The following GLI2 variants were observed in gnomAD, a reference collection of about 807,000 sequenced individuals.
The protein encoded by GLI2 is GLI family zinc finger 2.
Under a neutral mutation model 78.9 loss-of-function variants are expected in GLI2, and 22 were observed. The ratio of observed to expected loss-of-function variants is 0.28; its 90% CI spans 0.20 to 0.40. The LOEUF (loss-of-function observed/expected upper bound fraction) is 0.40. Ranked by LOEUF, GLI2 falls within the 10% of genes least tolerant of loss-of-function variation. The pLI, the probability that GLI2 is intolerant of heterozygous loss-of-function variation, is 1.00. For missense variants in GLI2, 2,097 were observed against 2,213.2 expected (o/e 0.95, Z 1.05); for synonymous variants, 974 against 963.7 (o/e 1.01, Z -0.20).
chr2:120,812,015 A>G (rs925369263), intron 2 of GLI2, among the ~76,000 whole-genome samples: 7 of 152,154 alleles, frequency 4.6e-5, no homozygotes, highest in African/African-American at 1.7e-4. Flanking sequence ...ACCCAAATCA[A>G]TGACTGTGCG....
chr2:120,955,361 G>T lies in GLI2; in HGVS notation c.574G>T (p.Asp192Tyr). ...LVAGHPAPYGDLLMQSGGAAS... is the reference protein window; with the variant it reads ...LVAGHPAPYGYLLMQSGGAAS... Reference sequence around the variant, plus strand: ...GGCAGGCCACCCCGCGCCCTACGGGGACCTGCTGATGCAGAGCGGGGGCGC... The same window carrying T: ...GGCAGGCCACCCCGCGCCCTACGGGTACCTGCTGATGCAGAGCGGGGGCGC... The change falls in exon 5 of 14, where the codon GAC becomes TAC. Residue 192 changes from aspartate (D) to tyrosine (Y), a missense_variant. This residue lies in a region of GLI2 where 578 missense variants were observed against 612.0 expected (regional missense o/e 0.94). Coordinates refer to ENST00000361492, the MANE Select transcript of GLI2 (RefSeq NM_001374353.1). 1.9e-6 allele frequency: 3 copies of T among 1,613,598 alleles called. No homozygotes were observed. Among genetic ancestry groups the T allele is most frequent in the Non-Finnish European group, 2.5e-6 (3 of 1,179,812 alleles).
At chr2:120,769,517 G>A (rs1034224322) in intron 1 of GLI2, among the ~76,000 whole-genome samples, 1 of 152,204 alleles carries the variant, frequency 6.6e-6, no homozygotes, top group African/African-American at 2.4e-5. Context: ...CCCAGCTACT[G>A]GGGAGTTGTC....
At chr2:120,848,713 C>G (rs908808547) in intron 2 of GLI2, among the ~76,000 whole-genome samples, 8 of 152,186 alleles carry the variant, frequency 5.3e-5, no homozygotes, top group Non-Finnish European at 1.0e-4. Flanking sequence ...GCCACCCACA[C>G]TGGGGTGTGG....
chr2:120,883,338 T>C (rs1029483260), intron 2 of GLI2, among the ~76,000 whole-genome samples: 2 of 151,906 alleles, frequency 1.3e-5, no homozygotes, highest in Non-Finnish European at 2.9e-5. Flanking sequence ...AAAAGAAAAA[T>C]TAGCCGAGCA....
rs1171457063 is a variant in GLI2 at position 120,735,976 on chromosome 2, G to GGCGGCT, written c.-336_-331dup. Among the ~76,000 whole-genome samples, 120 of 152,096 alleles carry GGCGGCT rather than the reference G, an allele frequency of 7.9e-4. No individual in the cohort carries two copies. The highest frequency in any genetic ancestry group is 2.5e-3 in the African/African-American group (103 of 41,542). On this transcript the variant is annotated 5_prime_UTR_variant, in exon 1 of 14. Coordinates refer to ENST00000361492, the MANE Select transcript of GLI2 (RefSeq NM_001374353.1). The stretch of plus-strand genomic sequence containing the variant: ...ACTTCGAGGAGGAGCGGGCGGCGGC[G>GGCGGCT]GCGGCTGCGACTGCGAACGCGGAGG...
chr2:120,747,268 G>A (rs925163666), intron 1 of GLI2, among the ~76,000 whole-genome samples: 15 of 152,232 alleles, frequency 9.9e-5, no homozygotes, highest in Non-Finnish European at 1.6e-4. Flanking sequence ...ATCAATGTAA[G>A]ACAATTATTT....
Position 120,989,487 on chromosome 2 carries a change from A to T in GLI2, c.3522A>T (p.Leu1174=), listed in dbSNP as rs201457784. Residue 1174 remains leucine (L), a synonymous_variant, in exon 14 of 14, where the codon CTA becomes CTT. Coordinates refer to ENST00000361492, the MANE Select transcript of GLI2 (RefSeq NM_001374353.1). ...ACCCGGGCTACAGTCCGCAAGGCCT[A>T]CAGGCTAGCCCTGGGGGCCTGGACA... ...GQYPGYSPQG[L]QASPGGLDST... 2 of 1,612,642 alleles carry T rather than the reference A, an allele frequency of 1.2e-6. No homozygotes were observed. The highest frequency in any genetic ancestry group is 3.3e-5 in the Admixed American group (2 of 60,000).
chr2:120,880,480 C>T (rs1677062821), intron 2 of GLI2, among the ~76,000 whole-genome samples: 1 of 152,168 alleles, frequency 6.6e-6, no homozygotes, highest in African/African-American at 2.4e-5. Flanking sequence ...CCCCGCCTCG[C>T]AGACAAGGGC....
chr2:120,779,476 C>T (rs1683776223), intron 1 of GLI2, among the ~76,000 whole-genome samples: 1 of 152,192 alleles, frequency 6.6e-6, no homozygotes, highest in Non-Finnish European at 1.5e-5. Context: ...AAAGGTGCCA[C>T]AGAGTGCACA....
intron 4 of GLI2, 83 bp downstream of exon 4, chr2:120,951,528 A>C: frequency 3.6e-6 from 3 of 825,776 alleles, no homozygotes; most frequent in South Asian, 1.7e-5. Flanking sequence ...AACACTGTCA[A>C]CTCCTCAGCC....
At chr2:120,754,594 T>C (rs1682982513) in intron 1 of GLI2, among the ~76,000 whole-genome samples, 1 of 152,228 alleles carries the variant, frequency 6.6e-6, no homozygotes, top group Non-Finnish European at 1.5e-5. Context: ...CACGTATCAA[T>C]AGTTTATTCA....
chr2:120,868,284 C>T (rs1001947780), intron 2 of GLI2, among the ~76,000 whole-genome samples: 1 of 139,952 alleles, frequency 7.1e-6, no homozygotes, highest in African/African-American at 3.2e-5. Flanking sequence ...GCTGTTTTCG[C>T]GTGAGGAATG....
intron 2 of GLI2, among the ~76,000 whole-genome samples, chr2:120,802,410 A>C (rs1377569609): frequency 6.6e-6 from 1 of 152,222 alleles, no homozygotes; most frequent in Non-Finnish European, 1.5e-5. Flanking sequence ...GTTCTTTCCC[A>C]GTCTCTTTTG....
chr2:120,892,003 G>A (rs1677706413), intron 2 of GLI2, among the ~76,000 whole-genome samples: 1 of 144,832 alleles, frequency 6.9e-6, no homozygotes, highest in Non-Finnish European at 1.5e-5. Context: ...TGCACCTTGT[G>A]ACCTCCTGCT....
intron 3 of GLI2, among the ~76,000 whole-genome samples, chr2:120,934,864 T>C (rs1680118134): frequency 6.6e-6 from 1 of 152,110 alleles, no homozygotes; most frequent in African/African-American, 2.4e-5. Flanking sequence ...AAGATTGCTT[T>C]TTCCAAGGTC....
At chr2:120,751,580 C>T (rs1226262470) in intron 1 of GLI2, among the ~76,000 whole-genome samples, 2 of 151,974 alleles carry the variant, frequency 1.3e-5, no homozygotes, top group South Asian at 2.1e-4. Context: ...AAAGCAGATC[C>T]TTTATAAAAT....
intron 2 of GLI2, among the ~76,000 whole-genome samples, chr2:120,888,524 A>G (rs1352372313): frequency 6.7e-6 from 1 of 149,972 alleles, no homozygotes; most frequent in Non-Finnish European, 1.5e-5. Flanking sequence ...GATTCAGGGG[A>G]GAGTGGGCAC....
intron 2 of GLI2, among the ~76,000 whole-genome samples, chr2:120,890,898 G>A (rs1573547165): frequency 6.6e-6 from 1 of 152,202 alleles, no homozygotes; most frequent in African/African-American, 2.4e-5. Flanking sequence ...GTGGGGAGGA[G>A]AGAGGATGTG....
chr2:120,797,464 AG>A lies in GLI2; in HGVS notation c.146del (p.Gly49GlufsTer52). 1 of 1,613,736 alleles carries A rather than the reference AG, an allele frequency of 6.2e-7. No homozygotes were observed. Among genetic ancestry groups the A allele is most frequent in the Non-Finnish European group, 8.5e-7 (1 of 1,179,716 alleles). On this transcript the variant is annotated frameshift_variant, in exon 2 of 14. Coordinates refer to ENST00000361492, the MANE Select transcript of GLI2 (RefSeq NM_001374353.1). LOFTEE classifies it high-confidence loss of function. ...CGGCAGCAGCAGCGGTAGCTGCCCA[AG>A]GAGGTACTTTCTGTTTCGCACACTT... Reference protein sequence around the residue: ...AAAAAAVAAQGVPQHLLPPFH... With the variant: ...AAAAAAVAAQXVPQHLLPPFH...
Sources: gnomAD v4.1 joint callset for allele counts (sites outside exome capture counted in the v4.1 genomes callset) on GRCh38, gnomAD v4.1.1 for gene constraint, gnomAD v4.1.1 regional missense constraint, MANE v1.5 for transcripts, NCBI Gene and HGNC (gene_info 2026-07-23, HGNC 2026-07-21) for gene names.